The following ST8SIA2 variants were observed in gnomAD, a reference collection of about 807,000 sequenced individuals.
The protein encoded by ST8SIA2 is alpha-2,8-sialyltransferase 8B.
In ST8SIA2, 22 loss-of-function variants were observed where a neutral mutation model predicts 37.6. The observed-to-expected ratio is 0.58, with a 90% CI of 0.42 to 0.83. ST8SIA2 has a LOEUF of 0.83. ST8SIA2 is among the 40% of genes least tolerant of loss of function. The pLI, the probability that ST8SIA2 is intolerant of heterozygous loss-of-function variation, is 0.00. For synonymous variants in ST8SIA2, 205 were observed against 201.2 expected, an observed-to-expected ratio of 1.02 and a Z score of -0.16; for missense variants, 382 against 484.7, an observed-to-expected ratio of 0.79 and a Z score of 1.99.
At chr15:92,413,171 A>T (rs2049562013) in intron 1 of ST8SIA2, among the ~76,000 whole-genome samples, 1 of 152,188 alleles carries the variant, frequency 6.6e-6, no homozygotes, top group Non-Finnish European at 1.5e-5. Context: ...CCCGTTGCAG[A>T]GTAGGTGCTC....
intron 1 of ST8SIA2, chr15:92,421,403 T>G (rs1416412049): frequency 6.6e-6 from 1 of 152,232 alleles, no homozygotes; most frequent in African/African-American, 2.4e-5. Flanking sequence ...GCCAGCTCCT[T>G]GTTATTACAT....
chr15:92,438,480 T>C lies in ST8SIA2; in HGVS notation c.418T>C (p.Tyr140His), dbSNP rs1054904446. The C allele has an allele frequency of 1.2e-6, 2 of 1,614,108 alleles. No homozygotes were observed. The highest frequency in any genetic ancestry group is 2.7e-5 in the African/African-American group (2 of 74,934). The change falls in exon 4 of 6, where the codon TAC becomes CAC. Residue 140 changes from tyrosine to histidine, a missense_variant. Transcript: ENST00000268164. ...CACCATGAATGTGTCCCAGAACCTC[T>C]ACGAGCTCCTCCCCAGGACTTCGCC... Reference protein sequence around the residue: ...DSTMNVSQNLYELLPRTSPLK... With the variant: ...DSTMNVSQNLHELLPRTSPLK...
chr15:92,405,536 T>C (rs991682539), intron 1 of ST8SIA2, among the ~76,000 whole-genome samples: 1 of 151,612 alleles, frequency 6.6e-6, no homozygotes, highest in African/African-American at 2.4e-5. Context: ...GCCAGAAGAG[T>C]GCCTGGCAGG....
intron 1 of ST8SIA2, among the ~76,000 whole-genome samples, chr15:92,405,837 C>T (rs1444501339): frequency 6.6e-6 from 1 of 152,190 alleles, no homozygotes; most frequent in South Asian, 2.1e-4. Context: ...ACTCTGAATT[C>T]TTGTTGGCTG....
chr15:92,396,731 T>C (rs1200074221), intron 1 of ST8SIA2, among the ~76,000 whole-genome samples: 1 of 152,136 alleles, frequency 6.6e-6, no homozygotes, highest in Non-Finnish European at 1.5e-5. Flanking sequence ...TCAGGGGATC[T>C]GCCCACCTCA....
chr15:92,408,672 ATTTT>A (rs568463772), intron 1 of ST8SIA2, among the ~76,000 whole-genome samples: 12,045 of 143,872 alleles, frequency 0.084, 609 homozygotes, highest in African/African-American at 0.13. Context: ...ACTGAGTTCC[ATTTT>A]TTTTATTTAT....
At chr15:92,405,266 T>C (rs2049499490) in intron 1 of ST8SIA2, among the ~76,000 whole-genome samples, 1 of 152,194 alleles carries the variant, frequency 6.6e-6, no homozygotes, top group South Asian at 2.1e-4. Flanking sequence ...ACATGAGGCA[T>C]CTGGAATGGT....
chr15:92,411,750 C>T (rs1596232125), intron 1 of ST8SIA2, among the ~76,000 whole-genome samples: 1 of 152,054 alleles, frequency 6.6e-6, no homozygotes, highest in African/African-American at 2.4e-5. Context: ...GGGACCAATT[C>T]GTAAGAGAAT....
At chr15:92,434,508 T>C (rs1337819244) in intron 3 of ST8SIA2, 133 bp downstream of exon 3, 25 of 1,347,648 alleles carry the variant, frequency 1.9e-5, no homozygotes, top group Non-Finnish European at 2.2e-5. Flanking sequence ...AGGTTTCATC[T>C]GTAAGTGATC....
At chr15:92,399,814 A>T (rs898793377) in intron 1 of ST8SIA2, among the ~76,000 whole-genome samples, 6 of 152,212 alleles carry the variant, frequency 3.9e-5, no homozygotes, top group African/African-American at 1.4e-4. Context: ...CCTGTAAGGC[A>T]GGGTTGCTAG....
intron 5 of ST8SIA2, among the ~76,000 whole-genome samples, chr15:92,455,773 G>A (rs1401565668): frequency 6.6e-6 from 1 of 152,124 alleles, no homozygotes; most frequent in Non-Finnish European, 1.5e-5. Context: ...CACATCTATA[G>A]GTTTTGCTTT....
At chr15:92,439,472 A>G (rs2049785587) in intron 4 of ST8SIA2, among the ~76,000 whole-genome samples, 1 of 152,174 alleles carries the variant, frequency 6.6e-6, no homozygotes, top group Non-Finnish European at 1.5e-5. Context: ...GGGCACGCGG[A>G]GCCTCGAGTT....
At chr15:92,431,402 G>A (rs1051874868) in intron 2 of ST8SIA2, among the ~76,000 whole-genome samples, 1 of 152,206 alleles carries the variant, frequency 6.6e-6, no homozygotes, top group Non-Finnish European at 1.5e-5. Flanking sequence ...TAATACTGCA[G>A]TGTCTTCTTT....
At chr15:92,449,134 C>T (rs977876794) in intron 5 of ST8SIA2, among the ~76,000 whole-genome samples, 8 of 152,110 alleles carry the variant, frequency 5.3e-5, no homozygotes, top group African/African-American at 1.4e-4. Flanking sequence ...AAACTTAGTA[C>T]CCAACAGTTT....
At position 92,464,759 on chromosome 15, in the gene ST8SIA2, T is replaced by G; in HGVS notation, c.*374T>G. On this transcript the variant is annotated 3_prime_UTR_variant, in exon 6 of 6. Coordinates refer to ENST00000268164, the MANE Select transcript of ST8SIA2 (RefSeq NM_006011.4). ...AGGGATCTTTGGGCTCATGGATGAATGGCGAGCCACCTGTTGTCAGCTGCC... is the reference window on the plus strand; with the variant it reads ...AGGGATCTTTGGGCTCATGGATGAAGGGCGAGCCACCTGTTGTCAGCTGCC... 3.8e-6 allele frequency: 1 copy of G among 260,112 alleles called. No individual in the cohort carries two copies. The highest frequency in any genetic ancestry group is 7.5e-6 in the Non-Finnish European group (1 of 133,724). The allele number at this position is 260,112 out of a possible 1,614,324, so 16.1% of individuals were successfully genotyped here.
intron 1 of ST8SIA2, 37 bp from the exon 2 acceptor site, chr15:92,430,012 C>A (rs1234638122): frequency 6.2e-7 from 1 of 1,611,358 alleles, no homozygotes; most frequent in East Asian, 2.2e-5. Context: ...CAAAGATGAG[C>A]TGGGTTTATA....
Position 92,444,855 on chromosome 15 carries a change from C to CG in ST8SIA2, c.769dup (p.Glu257GlyfsTer77). 6.2e-7 allele frequency: 1 copy of CG among 1,613,848 alleles called. No homozygotes were observed. The highest frequency in any genetic ancestry group is 8.5e-7 in the Non-Finnish European group (1 of 1,180,038). On this transcript the variant is annotated frameshift_variant, in exon 5 of 6. Transcript: ENST00000268164. LOFTEE classifies it high-confidence loss of function. The stretch of plus-strand genomic sequence containing the variant: ...GCAAGGAGCGTGTTGAGTGGGTCAA[C>CG]GAGCTTATCCTGAAGCACCACGTCA...
intron 1 of ST8SIA2, among the ~76,000 whole-genome samples, chr15:92,423,435 A>G (rs967586136): frequency 4.6e-5 from 7 of 152,264 alleles, no homozygotes; most frequent in African/African-American, 1.7e-4. Flanking sequence ...ACAAATGGTT[A>G]AGATGTTGTC....
In ST8SIA2 at chr15:92,464,197, G is replaced by A. The variant is rs370509565; in HGVS notation, c.940G>A (p.Gly314Ser). ...TTTCTGCAAACAAATCTACCTCTAC[G>A]GCTTCTGGCCCTTTCCGCTGGATCA... ...TRFCKQIYLY[G>S]FWPFPLDQNQ... Residue 314 changes from glycine to serine, a missense_variant, in exon 6 of 6, where the codon GGC becomes AGC. Transcript: ENST00000268164. 4.4e-6 allele frequency: 7 copies of A among 1,608,320 alleles called. No individual in the cohort carries two copies. The highest frequency in any genetic ancestry group is 5.9e-6 in the Non-Finnish European group (7 of 1,178,504).
Sources: gnomAD v4.1 joint callset for allele counts (sites outside exome capture counted in the v4.1 genomes callset) on GRCh38, gnomAD v4.1.1 for gene constraint, MANE v1.5 for transcripts, NCBI Gene and HGNC (gene_info 2026-07-23, HGNC 2026-07-21) for gene names.